PCDH7: variants seen among roughly 807,000 people sequenced by gnomAD.
PCDH7 encodes protocadherin 7, also known as protocadherin-7.
In PCDH7, 17 loss-of-function variants were observed where a neutral mutation model predicts 58.9. The ratio of observed to expected loss-of-function variants is 0.29; its 90% CI spans 0.20 to 0.43. PCDH7 has a LOEUF of 0.43. Ranked by LOEUF, PCDH7 falls within the 20% of genes least tolerant of loss-of-function variation. The pLI is 1.00. For missense variants in PCDH7, 1,274 were observed against 1,441.0 expected (o/e 0.88, Z 1.88); for synonymous variants, 664 against 616.4 (o/e 1.08, Z -1.14).
chr4:31,081,210 T>G (rs1759471282), intron 3 of PCDH7, among the ~76,000 whole-genome samples: 1 of 152,234 alleles, frequency 6.6e-6, no homozygotes, highest in Non-Finnish European at 1.5e-5. Context: ...TTATAGTTTT[T>G]TAGAGAAAAG....
intron 3 of PCDH7, among the ~76,000 whole-genome samples, chr4:31,105,705 C>A (rs1446431739): frequency 6.6e-6 from 1 of 152,052 alleles, no homozygotes; most frequent in Admixed American, 6.6e-5. Flanking sequence ...AATGTAAGCA[C>A]AGCATAGAAT....
chr4:30,722,508 G>C lies in PCDH7; in HGVS notation c.1086G>C (p.Glu362Asp). The change falls in exon 1 of 2, where the codon GAG becomes GAC. Residue 362 changes from glutamate to aspartate, a missense_variant. Around this residue, in one of 3 missense-constraint regions of PCDH7, gnomAD observed 331 missense variants for 303.2 expected, o/e 1.09. Coordinates refer to ENST00000361762, the Ensembl canonical transcript of PCDH7. This position sits in a 1 kb window ranked among gnomAD's most constrained non-coding sequence, Gnocchi z 7.6. Reference sequence around the variant, plus strand: ...TGAGGCGGCTGCTGCGCCTTGACGAGACGTCCGGCTGGCTCAGCGTCCTGC... The same window carrying C: ...TGAGGCGGCTGCTGCGCCTTGACGACACGTCCGGCTGGCTCAGCGTCCTGC... 2.5e-6 allele frequency: 4 copies of C among 1,610,122 alleles called. No individual in the cohort carries two copies. The highest frequency in any genetic ancestry group is 3.4e-6 in the Non-Finnish European group (4 of 1,178,672).
At chr4:31,118,783 AAC>A (rs1717300201) in intron 3 of PCDH7, among the ~76,000 whole-genome samples, 1 of 152,196 alleles carries the variant, frequency 6.6e-6, no homozygotes, top group African/African-American at 2.4e-5. Context: ...TATGTTCTTT[AAC>A]ACAATGAAAA....
chr4:30,864,245 A>C (rs1734580598), intron 1 of PCDH7, among the ~76,000 whole-genome samples: 1 of 152,076 alleles, frequency 6.6e-6, no homozygotes, highest in South Asian at 2.1e-4. Flanking sequence ...GCACAATAAC[A>C]TGTCTCCTGA....
chr4:30,878,593 T>C (rs1736576365), intron 1 of PCDH7, among the ~76,000 whole-genome samples: 1 of 151,968 alleles, frequency 6.6e-6, no homozygotes, highest in South Asian at 2.1e-4. Context: ...GTCTATGATA[T>C]AAAAGAAATA....
intron 1 of PCDH7, among the ~76,000 whole-genome samples, chr4:30,898,546 C>T (rs1470075030): frequency 6.6e-6 from 1 of 152,184 alleles, no homozygotes; most frequent in Non-Finnish European, 1.5e-5. Flanking sequence ...TTCCTGATTC[C>T]TCCCCTAGAA....
At chr4:31,034,039 C>T (rs1053520722) in intron 3 of PCDH7, among the ~76,000 whole-genome samples, 12 of 151,930 alleles carry the variant, frequency 7.9e-5, no homozygotes, top group African/African-American at 2.4e-4. Context: ...GGTTGCAGTG[C>T]GTGGAAATCA....
At chr4:31,002,852 A>T (rs1363423821) in intron 3 of PCDH7, among the ~76,000 whole-genome samples, 1 of 152,222 alleles carries the variant, frequency 6.6e-6, no homozygotes, top group East Asian at 1.9e-4. Context: ...TTCCATTTAT[A>T]ATCATAATTC....
rs145387804 is a variant in PCDH7, at chr4:31,073,430, T to C, written c.*8-69043T>C. 8.6e-3 allele frequency among the ~76,000 whole-genome samples: 1,307 copies of C among 152,292 alleles called. 13 individuals are homozygous for C. Among genetic ancestry groups the C allele is most frequent in the African/African-American group, 0.03 (1,252 of 41,578 alleles). ...AAAGAACTGAAGAATCCATCTGCTA[T>C]ACTATTAGCTCAACTGACTCATCAT... is the stretch of plus-strand genomic sequence containing the variant. On this transcript the variant is annotated intron_variant, in intron 3 of 3. Transcript: ENST00000509759.
At chr4:31,106,829 G>A (rs1479386618) in intron 3 of PCDH7, among the ~76,000 whole-genome samples, 1 of 152,202 alleles carries the variant, frequency 6.6e-6, no homozygotes, top group Non-Finnish European at 1.5e-5. Context: ...GAAGTAGCAT[G>A]TGGTGTGATT....
intron 3 of PCDH7, among the ~76,000 whole-genome samples, chr4:31,123,331 G>T (rs1163897757): frequency 6.6e-6 from 1 of 152,152 alleles, no homozygotes; most frequent in Non-Finnish European, 1.5e-5. Context: ...TATCAAATAT[G>T]TGTGGGAGAA....
intron 1 of PCDH7, among the ~76,000 whole-genome samples, chr4:30,785,797 C>A (rs984820559): frequency 6.6e-6 from 1 of 151,938 alleles, no homozygotes; most frequent in Non-Finnish European, 1.5e-5. Context: ...CTTCTCTGAT[C>A]CTAATTCTTA....
At chr4:30,927,038 G>A (rs531583795) in intron 2 of PCDH7, among the ~76,000 whole-genome samples, 138 of 152,076 alleles carry the variant, frequency 9.1e-4, no homozygotes, top group African/African-American at 3.1e-3. Context: ...TCACTTTGCT[G>A]AACCCTTATG....
chr4:30,854,829 A>G (rs962975176), intron 1 of PCDH7, among the ~76,000 whole-genome samples: 6 of 152,058 alleles, frequency 3.9e-5, no homozygotes, highest in Non-Finnish European at 8.8e-5. Context: ...TGATGGCCAT[A>G]ATACATTTCC....
intron 3 of PCDH7, among the ~76,000 whole-genome samples, chr4:30,975,238 T>G (rs1429480858): frequency 6.7e-6 from 1 of 150,260 alleles, no homozygotes; most frequent in Non-Finnish European, 1.5e-5. Context: ...AGGTTTAAAT[T>G]TCAATGAACA....
chr4:31,033,602 C>A (rs549038585), intron 3 of PCDH7, among the ~76,000 whole-genome samples: 3 of 152,226 alleles, frequency 2.0e-5, no homozygotes, highest in East Asian at 3.9e-4. Context: ...AAGCTTTTGG[C>A]AATGCTTTTT....
intron 1 of PCDH7, among the ~76,000 whole-genome samples, chr4:30,780,776 T>C (rs1722678793): frequency 6.6e-6 from 1 of 152,172 alleles, no homozygotes; most frequent in Non-Finnish European, 1.5e-5. Flanking sequence ...TTGTTTGTTT[T>C]TTCTTAGTAT....
intron 3 of PCDH7, among the ~76,000 whole-genome samples, chr4:31,020,671 C>T (rs1753952928): frequency 6.6e-6 from 1 of 152,304 alleles, no homozygotes; most frequent in African/African-American, 2.4e-5. Context: ...AACACTTTGT[C>T]TTCTATAAAG....
At chr4:30,948,339 A>G (rs1746963912) in intron 2 of PCDH7, among the ~76,000 whole-genome samples, 1 of 151,924 alleles carries the variant, frequency 6.6e-6, no homozygotes, top group Non-Finnish European at 1.5e-5. Flanking sequence ...TCTGGCCACA[A>G]ATTAAGAGCA....
Sources: allele counts gnomAD v4.1 joint callset (sites outside exome capture counted in the v4.1 genomes callset), GRCh38; gene constraint gnomAD v4.1.1; regional missense constraint gnomAD v4.1.1; non-coding constraint Gnocchi (gnomAD v3.1); transcripts MANE v1.5; gene names NCBI Gene and HGNC (gene_info 2026-07-23, HGNC 2026-07-21).